Variants in LRRC1 observed in about 807,000 individuals in gnomAD.
LRRC1 encodes leucine-rich repeat-containing protein 1.
Under a neutral mutation model 69.9 loss-of-function variants are expected in LRRC1, and 28 were observed. The observed-to-expected ratio is 0.40, with a 90% confidence interval of 0.30 to 0.55. LRRC1 has a LOEUF of 0.55. LRRC1 is among the 20% of genes least tolerant of loss of function. The pLI is 0.47. For synonymous variants in LRRC1, 236 were observed against 240.2 expected (o/e 0.98, Z 0.16); for missense variants, 498 against 609.0 (o/e 0.82, Z 1.92).
In LRRC1 at chr6:53,878,986, C is replaced by A; in HGVS notation, c.278-7C>A. 1 of 1,592,750 alleles carries A rather than the reference C, an allele frequency of 6.3e-7. No individual in the cohort carries two copies. Among genetic ancestry groups the A allele is most frequent in the Admixed American group, 1.7e-5 (1 of 59,840 alleles). On this transcript the variant is annotated splice_polypyrimidine_tract_variant and splice_region_variant and intron_variant, in intron 2 of 13. Coordinates refer to ENST00000370888, the MANE Select transcript of LRRC1 (RefSeq NM_018214.5). ...GCAAATTATAGACATTTTCTCTACT[C>A]CTGCAGAGATTCCTGAAATTCCAGA...
At chr6:53,903,314 C>A (rs1217853956) in intron 9 of LRRC1, among the ~76,000 whole-genome samples, 1 of 151,926 alleles carries the variant, frequency 6.6e-6, no homozygotes, top group Admixed American at 6.6e-5. Flanking sequence ...GGACCAGGCT[C>A]CCACCAGACA....
At chr6:53,799,651 C>CTTAAAGTTCATAGAAATAAAGAACTATA (rs1453874077) in intron 1 of LRRC1, among the ~76,000 whole-genome samples, 5 of 152,210 alleles carry the variant, frequency 3.3e-5, no homozygotes, top group African/African-American at 4.8e-5. Context: ...ATGAACATGA[C>CTTAAAGTTCATAGAAATAAAGAACTATA]TTAAAGTTTA....
At chr6:53,850,638 G>A (rs776254594) in intron 2 of LRRC1, among the ~76,000 whole-genome samples, 114 of 152,356 alleles carry the variant, frequency 7.5e-4, no homozygotes, top group Non-Finnish European at 1.4e-3. Context: ...CAAAGGGTTT[G>A]CTTTGCTAGG....
At chr6:53,815,125 T>G (rs1764913758) in intron 1 of LRRC1, among the ~76,000 whole-genome samples, 1 of 146,088 alleles carries the variant, frequency 6.8e-6, no homozygotes. Context: ...TCACCCATTA[T>G]GTTGGGGTGG....
At chr6:53,800,256 T>A (rs932347728) in intron 1 of LRRC1, among the ~76,000 whole-genome samples, 1 of 139,494 alleles carries the variant, frequency 7.2e-6, no homozygotes, top group African/African-American at 2.7e-5. Context: ...TCTTTTTTTT[T>A]TTTTTTTTTT....
At chr6:53,877,293 AACAATTTTCTCCTAGGCCTCT>A (rs1343956590) in intron 2 of LRRC1, among the ~76,000 whole-genome samples, 3 of 152,134 alleles carry the variant, frequency 2.0e-5, no homozygotes, top group African/African-American at 7.2e-5. Context: ...GGGCCCAGGA[AACAATTTTCTCCTAGGCCTCT>A]GGGCCTGTGA....
chr6:53,798,150 C>T (rs1475311669), intron 1 of LRRC1, among the ~76,000 whole-genome samples: 1 of 151,660 alleles, frequency 6.6e-6, no homozygotes, highest in Non-Finnish European at 1.5e-5. Flanking sequence ...TTAAACTACT[C>T]CTAAGCTATG....
intron 10 of LRRC1, 24 bp downstream of exon 10, chr6:53,904,486 A>G (rs554868661): frequency 7.7e-5 from 108 of 1,394,936 alleles, no homozygotes; most frequent in Non-Finnish European, 1.1e-4. Context: ...GAGAAATCAC[A>G]TGATAATAAT....
intron 1 of LRRC1, among the ~76,000 whole-genome samples, chr6:53,830,224 A>G (rs1765388080): frequency 6.6e-6 from 1 of 152,234 alleles, no homozygotes; most frequent in African/African-American, 2.4e-5. Context: ...GTAAAAATAA[A>G]ATGTAAAGAC....
chr6:53,811,787 C>G (rs935015772), intron 1 of LRRC1, among the ~76,000 whole-genome samples: 10 of 152,194 alleles, frequency 6.6e-5, no homozygotes, highest in African/African-American at 2.4e-4. Flanking sequence ...GGGGTTAAGT[C>G]CAGGTCTGCT....
intron 2 of LRRC1, among the ~76,000 whole-genome samples, chr6:53,872,518 TATA>T (rs1246550001): frequency 6.6e-6 from 1 of 152,154 alleles, no homozygotes; most frequent in Non-Finnish European, 1.5e-5. Flanking sequence ...ACTAACAGTG[TATA>T]ATAATTTCCT....
intron 10 of LRRC1, among the ~76,000 whole-genome samples, chr6:53,905,988 G>T (rs749835795): frequency 3.9e-5 from 6 of 152,166 alleles, no homozygotes; most frequent in Non-Finnish European, 8.8e-5. Context: ...ATTTACTCTT[G>T]CTGAATAGTG....
At chr6:53,878,468 C>T (rs973214755) in intron 2 of LRRC1, among the ~76,000 whole-genome samples, 13 of 152,212 alleles carry the variant, frequency 8.5e-5, no homozygotes, top group Non-Finnish European at 1.9e-4. Flanking sequence ...GGAAACAGAT[C>T]ATCAGGCATT....
intron 3 of LRRC1, among the ~76,000 whole-genome samples, chr6:53,881,272 T>C (rs1414094769): frequency 6.6e-6 from 1 of 152,218 alleles, no homozygotes; most frequent in African/African-American, 2.4e-5. Context: ...TTCAAGATCA[T>C]ACAGCTAATG....
At chr6:53,886,777 A>G (rs1189760823) in intron 4 of LRRC1, among the ~76,000 whole-genome samples, 4 of 152,330 alleles carry the variant, frequency 2.6e-5, no homozygotes, top group South Asian at 2.1e-4. Context: ...AATGATTGAC[A>G]GGTGAAATAG....
intron 8 of LRRC1, among the ~76,000 whole-genome samples, chr6:53,902,050 G>T (rs900271962): frequency 6.6e-6 from 1 of 152,190 alleles, no homozygotes; most frequent in Admixed American, 6.5e-5. Flanking sequence ...GGCTAGTGGG[G>T]ACTCTGAGGA....
intron 1 of LRRC1, among the ~76,000 whole-genome samples, chr6:53,840,927 TGC>T (rs1554181920): frequency 0.038 from 4,992 of 132,338 alleles, 91 homozygotes; most frequent in East Asian, 0.055. Context: ...TGTGTGTGTG[TGC>T]GTGCGCGCAC....
At chr6:53,842,503 CA>C (rs989159503) in intron 2 of LRRC1, among the ~76,000 whole-genome samples, 1 of 151,824 alleles carries the variant, frequency 6.6e-6, no homozygotes, top group East Asian at 1.9e-4. Flanking sequence ...AGGCATTTTC[CA>C]AAAAAAATTT....
intron 2 of LRRC1, among the ~76,000 whole-genome samples, chr6:53,843,900 G>A (rs1581868112): frequency 6.6e-6 from 1 of 152,270 alleles, no homozygotes; most frequent in East Asian, 1.9e-4. Flanking sequence ...GTTTGCCAGT[G>A]AAGGATTTCT....
Sources: gnomAD v4.1 joint callset for allele counts (sites outside exome capture counted in the v4.1 genomes callset) on GRCh38, gnomAD v4.1.1 for gene constraint, MANE v1.5 for transcripts, NCBI Gene and HGNC (gene_info 2026-07-23, HGNC 2026-07-21) for gene names.